Variants in SDC2 observed in about 807,000 individuals in gnomAD.
The protein encoded by SDC2 is syndecan 2, also known as syndecan-2.
Under a neutral mutation model 22.2 loss-of-function variants are expected in SDC2, and 13 were observed. The ratio of observed to expected loss-of-function variants is 0.59; its 90% CI spans 0.38 to 0.93. The LOEUF is 0.93. Among genes scored for constraint, SDC2 ranks in the 40% least tolerant of loss-of-function variants. The pLI is 0.00. For synonymous variants in SDC2, 94 were observed against 92.8 expected (o/e 1.01, Z -0.07); for missense variants, 235 against 246.8 (o/e 0.95, Z 0.32).
At chr8:96,552,868 T>C (rs1290021403) in intron 1 of SDC2, among the ~76,000 whole-genome samples, 1 of 152,212 alleles carries the variant, frequency 6.6e-6, no homozygotes, top group East Asian at 1.9e-4. Context: ...CTCTGAATTA[T>C]CTTGAAGTAT....
At position 96,609,559 on chromosome 8, in the gene SDC2, T is replaced by C. The variant is rs749588523; in HGVS notation, c.*11T>C. ...GAGTTTTATGCGTAAAACTCCAACT[T>C]AGTGTCTCTATTTATGAGATCACTG... On this transcript the variant is annotated 3_prime_UTR_variant, in exon 5 of 5. Transcript: ENST00000302190. 6.4e-7 allele frequency: 1 copy of C among 1,567,994 alleles called. No individual in the cohort carries two copies. The highest frequency in any genetic ancestry group is 8.7e-7 in the Non-Finnish European group (1 of 1,154,690).
At position 96,576,384 on chromosome 8, in the gene SDC2, G is replaced by GTTTT. The variant is rs1236267155; in HGVS notation, c.61-17090_61-17087dup. Among the ~76,000 whole-genome samples, 51 of 50,992 alleles carry GTTTT rather than the reference G, an allele frequency of 1.0e-3. 1 individual carries two copies. Among genetic ancestry groups the GTTTT allele is most frequent in the African/African-American group, 3.7e-3 (47 of 12,674 alleles). 33.5% of individuals were successfully genotyped at this position (50,992 alleles called of 152,430 possible). On this transcript the variant is annotated intron_variant, in intron 1 of 4. Transcript: ENST00000302190. ...TGGTAGTTTGTTTTTGTTTTGTTTTGTTTTTTTTTACCAGATTTGCTTTAT... is the reference window on the plus strand; with the variant it reads ...TGGTAGTTTGTTTTTGTTTTGTTTTGTTTTTTTTTTTTTACCAGATTTGCTTTAT...
At chr8:96,565,097 T>TTTTTTTTTG (rs1329448270) in intron 1 of SDC2, among the ~76,000 whole-genome samples, 2 of 128,672 alleles carry the variant, frequency 1.6e-5, no homozygotes, top group African/African-American at 6.4e-5. Flanking sequence ...TTTTTTTTTT[T>TTTTTTTTTG]TTGTTGAGAT....
intron 1 of SDC2, among the ~76,000 whole-genome samples, chr8:96,576,374 G>GTTTTTTTTTTTTTTTTTTTTTTTTTT (rs1225034584): frequency 7.4e-5 from 3 of 40,630 alleles, no homozygotes; most frequent in African/African-American, 2.6e-4. Context: ...GTTTGTTTTT[G>GTTTTTTTTTTTTTTTTTTTTTTTTTT]TTTTGTTTTG....
intron 1 of SDC2, among the ~76,000 whole-genome samples, chr8:96,566,942 C>T (rs1376894078): frequency 6.6e-6 from 1 of 152,122 alleles, no homozygotes; most frequent in East Asian, 1.9e-4. Flanking sequence ...CAACCTTTGC[C>T]TCTCAAGTTC....
chr8:96,529,903 C>G (rs888213911), intron 1 of SDC2, among the ~76,000 whole-genome samples: 2 of 152,232 alleles, frequency 1.3e-5, no homozygotes, highest in Middle Eastern at 3.4e-3. Context: ...TATGCCAGCC[C>G]ATCTAGTTCC....
chr8:96,556,769 C>A (rs1274772817), intron 1 of SDC2, among the ~76,000 whole-genome samples: 2 of 150,676 alleles, frequency 1.3e-5, no homozygotes, highest in Admixed American at 1.3e-4. Flanking sequence ...CCAAAATTGA[C>A]AAATGGGATC....
At chr8:96,599,231 G>C (rs1431430337) in intron 2 of SDC2, among the ~76,000 whole-genome samples, 1 of 152,106 alleles carries the variant, frequency 6.6e-6, no homozygotes, top group Non-Finnish European at 1.5e-5. Flanking sequence ...GCGAGCTACT[G>C]TGCTTGGCCC....
At chr8:96,532,765 G>C (rs994317508) in intron 1 of SDC2, among the ~76,000 whole-genome samples, 2 of 152,134 alleles carry the variant, frequency 1.3e-5, no homozygotes, top group South Asian at 2.1e-4. Flanking sequence ...TCCGGGCTAT[G>C]CATTCACCTT....
intron 1 of SDC2, among the ~76,000 whole-genome samples, chr8:96,561,282 C>T (rs1281204854): frequency 6.6e-6 from 1 of 152,122 alleles, no homozygotes; most frequent in African/African-American, 2.4e-5. Context: ...TCAGTATATG[C>T]TTGCTCAAGC....
chr8:96,609,257 C>CT (rs199695115), intron 4 of SDC2, 128 bp from the exon 5 acceptor site: 3,252 of 684,980 alleles, frequency 4.7e-3, no homozygotes, highest in African/African-American at 8.8e-3. Context: ...TTGAATCCAG[C>CT]TTTTTTTTTA....
At chr8:96,561,211 C>T (rs1297580081) in intron 1 of SDC2, among the ~76,000 whole-genome samples, 1 of 152,108 alleles carries the variant, frequency 6.6e-6, no homozygotes, top group Non-Finnish European at 1.5e-5. Flanking sequence ...CCAATCAGCC[C>T]AAGGTATGTT....
At chr8:96,503,682 T>C (rs1008144471) in intron 1 of SDC2, among the ~76,000 whole-genome samples, 1 of 152,186 alleles carries the variant, frequency 6.6e-6, no homozygotes, top group Non-Finnish European at 1.5e-5. Flanking sequence ...GCACAAGAGA[T>C]CTTTGTATTA....
At chr8:96,500,831 A>ACAC (rs1813149927) in intron 1 of SDC2, among the ~76,000 whole-genome samples, 1 of 152,164 alleles carries the variant, frequency 6.6e-6, no homozygotes, top group Non-Finnish European at 1.5e-5. Context: ...ATGGGAGAGG[A>ACAC]CACTGTTGAA....
At chr8:96,583,299 A>AATATATATGATATATGTAAT (rs1218862458) in intron 1 of SDC2, among the ~76,000 whole-genome samples, 1 of 147,066 alleles carries the variant, frequency 6.8e-6, no homozygotes, top group East Asian at 2.0e-4. Flanking sequence ...TGTAATATAC[A>AATATATATGATATATGTAAT]ATATATATGA....
intron 1 of SDC2, among the ~76,000 whole-genome samples, chr8:96,535,239 C>T (rs761668287): frequency 3.9e-5 from 6 of 152,172 alleles, no homozygotes; most frequent in Non-Finnish European, 5.9e-5. Flanking sequence ...AGACTTCTGA[C>T]ATCATGATTC....
At chr8:96,605,496 A>G (rs1256867562) in intron 3 of SDC2, among the ~76,000 whole-genome samples, 1 of 152,222 alleles carries the variant, frequency 6.6e-6, no homozygotes, top group African/African-American at 2.4e-5. Context: ...AATACTGCCA[A>G]TGAGCTGCTC....
intron 1 of SDC2, among the ~76,000 whole-genome samples, chr8:96,528,006 TA>T (rs759340789): frequency 6.6e-6 from 1 of 152,164 alleles, no homozygotes; most frequent in East Asian, 1.9e-4. Flanking sequence ...GATGTGGGCA[TA>T]AAAACATGCA....
intron 1 of SDC2, among the ~76,000 whole-genome samples, chr8:96,497,436 A>G (rs1813093187): frequency 6.6e-6 from 1 of 152,214 alleles, no homozygotes; most frequent in Non-Finnish European, 1.5e-5. Context: ...CAATTTGAGC[A>G]TGCCCTTCAG....
Sources: gnomAD v4.1 joint callset for allele counts (sites outside exome capture counted in the v4.1 genomes callset) on GRCh38, gnomAD v4.1.1 for gene constraint, MANE v1.5 for transcripts, NCBI Gene and HGNC (gene_info 2026-07-23, HGNC 2026-07-21) for gene names.